Variants in CAMKMT observed in about 807,000 individuals in gnomAD.
The protein encoded by CAMKMT is calmodulin-lysine N-methyltransferase, also known as CaM KMT.
CAMKMT carries 53 observed loss-of-function variants against 48.0 expected under a neutral mutation model. That is an observed-to-expected ratio of 1.10 (90% CI 0.89 to 1.39). CAMKMT has a LOEUF of 1.39. Among genes scored for constraint, CAMKMT ranks in the 40% most tolerant of loss-of-function variants. The pLI, the probability that CAMKMT is intolerant of heterozygous loss-of-function variation, is 0.00. For synonymous variants in CAMKMT, 165 were observed against 152.3 expected (o/e 1.08, Z -0.61); for missense variants, 428 against 402.7 (o/e 1.06, Z -0.54).
At chr2:44,725,670 A>T (rs1006463127) in intron 7 of CAMKMT, among the ~76,000 whole-genome samples, 2 of 152,164 alleles carry the variant, frequency 1.3e-5, no homozygotes, top group Admixed American at 1.3e-4. Context: ...AGGAAATAAG[A>T]GGTAGAAGTA....
chr2:44,693,313 A>G (rs1676763580), intron 3 of CAMKMT, among the ~76,000 whole-genome samples: 3 of 152,206 alleles, frequency 2.0e-5, no homozygotes, highest in Non-Finnish European at 4.4e-5. Context: ...AATTCTTAAC[A>G]TGGCCTCTGG....
intron 3 of CAMKMT, among the ~76,000 whole-genome samples, chr2:44,693,626 A>G (rs944117003): frequency 5.9e-5 from 9 of 152,192 alleles, no homozygotes. Flanking sequence ...ATGCCCAATA[A>G]ATATTTGAGG....
intron 3 of CAMKMT, among the ~76,000 whole-genome samples, chr2:44,521,099 C>T (rs984094916): frequency 6.6e-6 from 1 of 152,186 alleles, no homozygotes; most frequent in Non-Finnish European, 1.5e-5. Context: ...ATCAGCACAA[C>T]CTATCTCCAC....
At chr2:44,673,530 G>T (rs994218230) in intron 3 of CAMKMT, among the ~76,000 whole-genome samples, 2 of 143,708 alleles carry the variant, frequency 1.4e-5, no homozygotes, top group South Asian at 4.6e-4. Context: ...AGGAGGGAAG[G>T]AAGAAATCTA....
chr2:44,618,058 GT>G lies in CAMKMT; in HGVS notation c.377-86224del. ...TCCTGTTTCTTTGTATACACTTCTAGTAGTTAAACTGATTTTAATGGATGAA... is the reference window on the plus strand; with the variant it reads ...TCCTGTTTCTTTGTATACACTTCTAGAGTTAAACTGATTTTAATGGATGAA... On this transcript the variant is annotated intron_variant, in intron 3 of 10. Coordinates refer to ENST00000378494, the MANE Select transcript of CAMKMT (RefSeq NM_024766.5). The surrounding 1 kb of genome is among the most constrained non-coding windows in gnomAD (Gnocchi z 4.0). 1.3e-5 allele frequency among the ~76,000 whole-genome samples: 2 copies of G among 152,138 alleles called. No individual in the cohort carries two copies. The highest frequency in any genetic ancestry group is 2.9e-5 in the Non-Finnish European group (2 of 68,030).
chr2:44,364,420 C>G (rs998832694), intron 1 of CAMKMT, among the ~76,000 whole-genome samples: 7 of 152,150 alleles, frequency 4.6e-5, no homozygotes, highest in Non-Finnish European at 1.0e-4. Context: ...CCTCAGCCAA[C>G]TCTACCAATG....
chr2:44,567,748 A>T (rs1044020506), intron 3 of CAMKMT, among the ~76,000 whole-genome samples: 32 of 152,322 alleles, frequency 2.1e-4, no homozygotes, highest in African/African-American at 7.5e-4. Flanking sequence ...CTGCTAGCAC[A>T]ACTTTTGGCA....
chr2:44,518,619 GA>G (rs1670949737), intron 3 of CAMKMT, among the ~76,000 whole-genome samples: 3 of 152,228 alleles, frequency 2.0e-5, no homozygotes, highest in East Asian at 3.9e-4. Context: ...TCCCTTTGCA[GA>G]GTTTTTTAAA....
intron 3 of CAMKMT, among the ~76,000 whole-genome samples, chr2:44,471,056 G>A (rs1474256882): frequency 7.0e-6 from 1 of 142,354 alleles, no homozygotes; most frequent in Non-Finnish European, 1.5e-5. Context: ...GTGCAGTGGT[G>A]CGATCTTGGC....
intron 3 of CAMKMT, among the ~76,000 whole-genome samples, chr2:44,394,651 C>A (rs1266293401): frequency 1.3e-5 from 2 of 152,102 alleles, no homozygotes; most frequent in African/African-American, 4.8e-5. Flanking sequence ...TGGTCTCGAA[C>A]TGCTGACCTC....
chr2:44,733,842 C>G (rs1316077135), intron 7 of CAMKMT, among the ~76,000 whole-genome samples: 1 of 152,082 alleles, frequency 6.6e-6, no homozygotes, highest in Non-Finnish European at 1.5e-5. Flanking sequence ...ATATTATGGA[C>G]AACTTTGGAT....
chr2:44,397,439 A>G (rs994111657), intron 3 of CAMKMT, among the ~76,000 whole-genome samples: 22 of 152,206 alleles, frequency 1.4e-4, no homozygotes, highest in African/African-American at 5.1e-4. Flanking sequence ...GTCCCTCTTT[A>G]GCATCGTAAT....
At position 44,381,116 on chromosome 2, in the gene CAMKMT, C is replaced by T. The variant is rs578134619; in HGVS notation, c.311+8228C>T. Among the ~76,000 whole-genome samples the T allele has an allele frequency of 1.2e-3, 181 of 152,194 alleles. 1 individual carries two copies. The highest frequency in any genetic ancestry group is 4.1e-3 in the African/African-American group (171 of 41,530). On this transcript the variant is annotated intron_variant, in intron 2 of 10. Transcript: ENST00000378494. ...CAGAGGTTGCAGTGAGCTAAGATTG[C>T]GCCATTGCACTCCACCCTGGGTGAC... is the stretch of plus-strand genomic sequence containing the variant.
At chr2:44,441,825 G>C (rs987404072) in intron 3 of CAMKMT, among the ~76,000 whole-genome samples, 2 of 152,126 alleles carry the variant, frequency 1.3e-5, no homozygotes, top group African/African-American at 4.8e-5. Context: ...AGTTTTCTGT[G>C]CATTTTGACA....
At chr2:44,760,940 G>T (rs1003156788) in intron 9 of CAMKMT, among the ~76,000 whole-genome samples, 3 of 152,204 alleles carry the variant, frequency 2.0e-5, no homozygotes, top group African/African-American at 7.2e-5. Context: ...TTTATTGAGT[G>T]CCTCTCAGAT....
chr2:44,738,709 C>G (rs965052044), intron 7 of CAMKMT, among the ~76,000 whole-genome samples: 8 of 152,012 alleles, frequency 5.3e-5, no homozygotes, highest in African/African-American at 1.7e-4. Context: ...GAAACAAAAT[C>G]AATAATTTAG....
rs527758898 is a variant in CAMKMT at position 44,381,578 on chromosome 2, C to T, written c.312-8663C>T. Among the ~76,000 whole-genome samples the T allele has an allele frequency of 1.4e-4, 21 of 152,244 alleles. No homozygotes were observed. The South Asian group carries it at 4.3e-3, about 32-fold the overall frequency. The stretch of plus-strand genomic sequence containing the variant: ...CAAAATTGGGCACAATCTTAAAATC[C>T]AACATAAAGTTCTGGTTCAATAAAT... On this transcript the variant is annotated intron_variant, in intron 2 of 10. Coordinates refer to ENST00000378494, the MANE Select transcript of CAMKMT (RefSeq NM_024766.5).
At chr2:44,486,375 A>T (rs1669218261) in intron 3 of CAMKMT, among the ~76,000 whole-genome samples, 1 of 152,216 alleles carries the variant, frequency 6.6e-6, no homozygotes, top group South Asian at 2.1e-4. Context: ...GAGAGGTAAC[A>T]GAAGTTGTGT....
chr2:44,590,708 G>T (rs1670210026), intron 3 of CAMKMT, among the ~76,000 whole-genome samples: 1 of 152,128 alleles, frequency 6.6e-6, no homozygotes, highest in African/African-American at 2.4e-5. Flanking sequence ...TGGGTTGCCT[G>T]TTCACTCTGA....
Sources: gnomAD v4.1 joint callset for allele counts (sites outside exome capture counted in the v4.1 genomes callset) on GRCh38, gnomAD v4.1.1 for gene constraint, Gnocchi (gnomAD v3.1) non-coding constraint, MANE v1.5 for transcripts, NCBI Gene and HGNC (gene_info 2026-07-23, HGNC 2026-07-21) for gene names.